Variants in COL27A1 observed in about 807,000 individuals in gnomAD.
COL27A1 encodes collagen alpha-1(XXVII) chain.
In COL27A1, 106 loss-of-function variants were observed where a neutral mutation model predicts 251.3. The observed-to-expected ratio is 0.42, with a 90% CI of 0.36 to 0.50. The LOEUF is 0.50. Ranked by LOEUF, COL27A1 falls within the 20% of genes least tolerant of loss-of-function variation. COL27A1 has a pLI of 0.00. For missense variants in COL27A1, 2,325 were observed against 2,522.8 expected (o/e 0.92, Z 1.68); for synonymous variants, 1,000 against 986.3 (o/e 1.01, Z -0.26).
chr9:114,167,830 C>A lies in COL27A1; in HGVS notation c.275C>A (p.Ala92Asp). Residue 92 changes from alanine (A) to aspartate (D), a missense_variant, in exon 3 of 61, where the codon GCC becomes GAC. Transcript: ENST00000356083. Reference protein sequence around the residue: ...LQAPTGTVIPAALGTELALVL... With the variant: ...LQAPTGTVIPDALGTELALVL... ...GCTCCCACGGGCACCGTCATTCCTG[C>A]CGCCTTGGGCACAGAGCTGGCACTG... is the stretch of plus-strand genomic sequence containing the variant. 6.2e-7 allele frequency: 1 copy of A among 1,613,474 alleles called. No individual in the cohort carries two copies.
chr9:114,195,922 GT>G, intron 6 of COL27A1, 36 bp from the exon 7 acceptor site: 1 of 1,535,894 alleles, frequency 6.5e-7, no homozygotes, highest in Non-Finnish European at 9.0e-7. Flanking sequence ...CTCTGCTCCC[GT>G]TTTCCTGCCT....
rs752092305 is a variant in COL27A1, at chr9:114,290,048, G to C, written c.4207-10G>C. The C allele has an allele frequency of 6.2e-7, 1 of 1,611,690 alleles. No individual in the cohort carries two copies. The highest frequency in any genetic ancestry group is 8.5e-7 in the Non-Finnish European group (1 of 1,179,992). ...AGGCAGCCTCCATCATGTGGCCCTT[G>C]ATTTTTCAGGGACCAAAGGGAAAGC... On this transcript the variant is annotated splice_polypyrimidine_tract_variant and intron_variant, in intron 45 of 60. Transcript: ENST00000356083. The surrounding 1 kb of genome is among the most constrained non-coding windows in gnomAD (Gnocchi z 4.6).
chr9:114,223,636 C>T (rs910781045), intron 14 of COL27A1, among the ~76,000 whole-genome samples: 8 of 152,186 alleles, frequency 5.3e-5, no homozygotes, highest in African/African-American at 1.9e-4. Flanking sequence ...AACACACAGT[C>T]CATTCCAGTC....
At chr9:114,283,867 C>A in intron 40 of COL27A1, 105 bp downstream of exon 40, 2 of 1,155,644 alleles carry the variant, frequency 1.7e-6, no homozygotes, top group South Asian at 1.4e-5. Flanking sequence ...GAAGGCTGAC[C>A]CCTGGAATAC....
At chr9:114,307,887 A>G in intron 59 of COL27A1, 109 bp downstream of exon 59, 1 of 713,500 alleles carries the variant, frequency 1.4e-6, no homozygotes, top group Non-Finnish European at 2.4e-6. Context: ...GTCTTACTGC[A>G]TGCCCTTGGG....
At chr9:114,237,609 A>G (rs1010815475) in intron 18 of COL27A1, 53 bp from the exon 19 acceptor site, 5 of 1,468,682 alleles carry the variant, frequency 3.4e-6, no homozygotes, top group Non-Finnish European at 4.8e-6. Flanking sequence ...CAGGGGGTTC[A>G]TGGAAGGTGG....
chr9:114,266,737 C>T, intron 33 of COL27A1, 119 bp downstream of exon 33: 1 of 905,336 alleles, frequency 1.1e-6, no homozygotes. Flanking sequence ...GGGAGATGGT[C>T]ATGTACCGTG....
At position 114,290,473 on chromosome 9, in the gene COL27A1, C is replaced by T; in HGVS notation, c.4368+142C>T. 1 of 750,176 alleles carries T rather than the reference C, an allele frequency of 1.3e-6. No homozygotes were observed. Among genetic ancestry groups the T allele is most frequent in the South Asian group, 1.6e-5 (1 of 62,486 alleles). 46.5% of individuals were successfully genotyped at this position (750,176 alleles called of 1,614,324 possible). A position where few individuals can be genotyped will look rare whatever the true frequency, so the allele number is the denominator to read the frequency against. ...ACATCCAGAAGTTCTCTGGGGTGGGCAACCATCTCCTCCCCTGGCACCTGG... is the reference window on the plus strand; with the variant it reads ...ACATCCAGAAGTTCTCTGGGGTGGGTAACCATCTCCTCCCCTGGCACCTGG... On this transcript the variant is annotated intron_variant, in intron 47 of 60. Transcript: ENST00000356083. This position sits in a 1 kb window ranked among gnomAD's most constrained non-coding sequence, Gnocchi z 4.6.
intron 34 of COL27A1, chr9:114,268,948 A>T (rs1834931058): frequency 3.0e-6 from 1 of 331,832 alleles, no homozygotes; most frequent in Non-Finnish European, 5.4e-6. Flanking sequence ...AAAACAAACA[A>T]AAAAAGTCCT....
At chr9:114,264,609 A>T (rs1834604045) in intron 29 of COL27A1, among the ~76,000 whole-genome samples, 1 of 152,000 alleles carries the variant, frequency 6.6e-6, no homozygotes, top group Admixed American at 6.5e-5. Flanking sequence ...GAAAGCAAGA[A>T]AGGAGGAGGG....
rs372739317 is a variant in COL27A1, at chr9:114,255,473, A to G, written c.3141+2541A>G. Among the ~76,000 whole-genome samples the G allele has an allele frequency of 2.8e-4, 42 of 152,292 alleles. No homozygotes were observed. The East Asian group carries it at 7.3e-3, about 27-fold the overall frequency. ...CCCCATCTGTCTAGTGGGAGGAGGAAAGCCAGGAAAGGAGTCACTGGGACA... is the reference window on the plus strand; with the variant it reads ...CCCCATCTGTCTAGTGGGAGGAGGAGAGCCAGGAAAGGAGTCACTGGGACA... On this transcript the variant is annotated intron_variant, in intron 27 of 60. Coordinates refer to ENST00000356083, the MANE Select transcript of COL27A1 (RefSeq NM_032888.4).
chr9:114,301,559 C>T, intron 54 of COL27A1, 97 bp downstream of exon 54: 1 of 1,540,556 alleles, frequency 6.5e-7, no homozygotes, highest in Non-Finnish European at 8.8e-7. Context: ...GGACCTCCGT[C>T]ATCCCGTCTG....
At chr9:114,252,818 G>T in intron 26 of COL27A1, 61 bp from the exon 27 acceptor site, 2 of 1,556,688 alleles carry the variant, frequency 1.3e-6, no homozygotes, top group Non-Finnish European at 1.8e-6. Flanking sequence ...GCCGACCGAG[G>T]TGGGACTGAA....
intron 12 of COL27A1, among the ~76,000 whole-genome samples, chr9:114,219,468 A>G (rs537046392): frequency 6.6e-6 from 1 of 152,348 alleles, no homozygotes; most frequent in Admixed American, 6.5e-5. Context: ...GCATAGATCC[A>G]GCTTCCTGCC....
Position 114,169,053 on chromosome 9 carries a change from A to T in COL27A1, c.1498A>T (p.Ser500Cys), listed in dbSNP as rs1423301725. The change falls in exon 3 of 61, where the codon AGT becomes TGT. Residue 500 changes from serine (S) to cysteine (C), a missense_variant. Coordinates refer to ENST00000356083, the MANE Select transcript of COL27A1 (RefSeq NM_032888.4). ...TGCCCCTACTCCTGGTTCTACCAGG[A>T]GTACTCGGCCACCAGCCACGATGGT... ...SPAPTPGSTR[S>C]TRPPATMVPP... 6.2e-7 allele frequency: 1 copy of T among 1,613,982 alleles called. No homozygotes were observed. Among genetic ancestry groups the T allele is most frequent in the Admixed American group, 1.7e-5 (1 of 60,018 alleles).
chr9:114,258,522 C>T lies in COL27A1; in HGVS notation c.3142-19C>T. The T allele has an allele frequency of 1.2e-6, 2 of 1,611,626 alleles. No individual in the cohort carries two copies. Among genetic ancestry groups the T allele is most frequent in the South Asian group, 1.1e-5 (1 of 90,308 alleles). ...CTTCCTAAAAAGGGGCCTCTCCAAA[C>T]TCTTTCTCCTCTTCCCAGGGTCCTC... On this transcript the variant is annotated intron_variant, in intron 27 of 60. Transcript: ENST00000356083.
In COL27A1 at chr9:114,289,309, G is replaced by A. The variant is rs749240567; in HGVS notation, c.4206+14G>A. On this transcript the variant is annotated intron_variant, in intron 45 of 60. Coordinates refer to ENST00000356083, the MANE Select transcript of COL27A1 (RefSeq NM_032888.4). ...AAAGGCGCAGAGGTAAGAGGGCCGG[G>A]GGTTCAGCAGGGAGACTGAGTCCCA... is the stretch of plus-strand genomic sequence containing the variant. 1.3e-5 allele frequency: 21 copies of A among 1,565,698 alleles called. No individual in the cohort carries two copies. Among genetic ancestry groups the A allele is most frequent in the Admixed American group, 2.1e-5 (1 of 47,960 alleles).
At chr9:114,258,654 G>A (rs1197755860) in intron 28 of COL27A1, 60 bp downstream of exon 28, 2 of 1,546,952 alleles carry the variant, frequency 1.3e-6, no homozygotes, top group East Asian at 2.3e-5. Flanking sequence ...CTTGGAACAG[G>A]GCCATCTGCC....
rs1277868314 is a variant in COL27A1, at chr9:114,223,675, C to CT, written c.2466+1408_2466+1409insT. ...TGGCTAAGAGAACAGTTTCTGGAAC[C>CT]AGACCACCTAGGTTCAAATCCTAGC... On this transcript the variant is annotated intron_variant, in intron 14 of 60. Transcript: ENST00000356083. 5.3e-5 allele frequency among the ~76,000 whole-genome samples: 8 copies of CT among 152,312 alleles called. No homozygotes were observed. The East Asian group carries it at 1.5e-3, about 29-fold the overall frequency.
Sources: allele counts gnomAD v4.1 joint callset (sites outside exome capture counted in the v4.1 genomes callset), GRCh38; gene constraint gnomAD v4.1.1; non-coding constraint Gnocchi (gnomAD v3.1); transcripts MANE v1.5; gene names NCBI Gene and HGNC (gene_info 2026-07-23, HGNC 2026-07-21).